Variants in ARHGAP12 observed in about 807,000 individuals in gnomAD.
ARHGAP12 encodes rho GTPase-activating protein 12.
Under a neutral mutation model 108.6 loss-of-function variants are expected in ARHGAP12, and 64 were observed. That is an observed-to-expected ratio of 0.59 (90% CI 0.48 to 0.73). The LOEUF (loss-of-function observed/expected upper bound fraction) is 0.73. Among genes scored for constraint, ARHGAP12 ranks in the 30% least tolerant of loss-of-function variants. ARHGAP12 has a pLI of 0.00. For synonymous variants in ARHGAP12, 312 were observed against 337.2 expected, an observed-to-expected ratio of 0.93 and a Z score of 0.82; for missense variants, 940 against 1,005.9, an observed-to-expected ratio of 0.93 and a Z score of 0.89.
intron 3 of ARHGAP12, among the ~76,000 whole-genome samples, chr10:31,867,868 T>C (rs1031881211): frequency 4.0e-5 from 6 of 151,602 alleles, no homozygotes; most frequent in Admixed American, 1.3e-4. Context: ...ATACTAATAC[T>C]AGCAGTGAAA....
intron 3 of ARHGAP12, among the ~76,000 whole-genome samples, chr10:31,893,999 CAT>C (rs1336423174): frequency 6.6e-6 from 1 of 152,214 alleles, no homozygotes. Context: ...ACAAAAACCA[CAT>C]GATTATCTCA....
intron 3 of ARHGAP12, among the ~76,000 whole-genome samples, chr10:31,895,309 G>T (rs1184784105): frequency 6.6e-6 from 1 of 152,170 alleles, no homozygotes; most frequent in Admixed American, 6.5e-5. Flanking sequence ...AGAGTGAACA[G>T]GCAACCTACA....
rs755587293 is a variant in ARHGAP12, at chr10:31,823,135, G to T, written c.1531-2647C>A. Among the ~76,000 whole-genome samples the T allele has an allele frequency of 2.6e-5, 4 of 152,040 alleles. No homozygotes were observed. The East Asian group carries it at 7.7e-4, about 29-fold the overall frequency. Reference sequence around the variant, plus strand: ...ACTTGTCAGTCTTCCCCACTACTACGTAAGCTTTGAAGCCAGGGACCATGT... The same window carrying T: ...ACTTGTCAGTCTTCCCCACTACTACTTAAGCTTTGAAGCCAGGGACCATGT... On this transcript the variant is annotated intron_variant, in intron 11 of 19. Transcript: ENST00000344936.
intron 4 of ARHGAP12, among the ~76,000 whole-genome samples, chr10:31,860,860 T>C (rs1434955027): frequency 6.6e-6 from 1 of 152,142 alleles, no homozygotes; most frequent in Admixed American, 6.5e-5. Context: ...ACAGGGGGAC[T>C]GCTTGAAGTC....
chr10:31,885,210 T>C (rs550678291), intron 3 of ARHGAP12, among the ~76,000 whole-genome samples: 1 of 152,354 alleles, frequency 6.6e-6, no homozygotes, highest in African/African-American at 2.4e-5. Context: ...AGCAACAAAA[T>C]TTTAATGTAA....
At chr10:31,826,409 T>A in intron 10 of ARHGAP12, 24 bp from the exon 11 acceptor site, 1 of 1,588,742 alleles carries the variant, frequency 6.3e-7, no homozygotes, top group Non-Finnish European at 8.6e-7. Flanking sequence ...GATGACCGAT[T>A]AAAGCTCCAA....
Position 31,814,300 on chromosome 10 carries a change from T to C in ARHGAP12, c.1793A>G (p.His598Arg), listed in dbSNP as rs754616895. 6.2e-7 allele frequency: 1 copy of C among 1,614,150 alleles called. No individual in the cohort carries two copies. Among genetic ancestry groups the C allele is most frequent in the Admixed American group, 1.7e-5 (1 of 60,030 alleles). Residue 598 changes from histidine to arginine, a missense_variant, in exon 14 of 20, where the codon CAT becomes CGT. Coordinates refer to ENST00000344936, the MANE Select transcript of ARHGAP12 (RefSeq NM_018287.7). ...ATCCTTTTGTTCCTTTTCTTTATCATGCTTTTCTATTCCTGGTGAATCCGG... is the reference window on the plus strand; with the variant it reads ...ATCCTTTTGTTCCTTTTCTTTATCACGCTTTTCTATTCCTGGTGAATCCGG... ...EIPDSPGIEK[H>R]DKEKEQKDPK...
chr10:31,902,095 A>G (rs1226907477), intron 3 of ARHGAP12, among the ~76,000 whole-genome samples: 1 of 152,186 alleles, frequency 6.6e-6, no homozygotes, highest in East Asian at 1.9e-4. Flanking sequence ...CTGAAAAAGA[A>G]GAATAAAGTG....
intron 3 of ARHGAP12, among the ~76,000 whole-genome samples, chr10:31,901,307 G>C (rs991723205): frequency 6.6e-6 from 1 of 151,248 alleles, no homozygotes; most frequent in Non-Finnish European, 1.5e-5. Flanking sequence ...AGAGGCGGGA[G>C]GATCACTTGA....
At chr10:31,833,444 G>C (rs974659011) in intron 9 of ARHGAP12, among the ~76,000 whole-genome samples, 2 of 151,948 alleles carry the variant, frequency 1.3e-5, no homozygotes, top group African/African-American at 4.8e-5. Flanking sequence ...ATGAGAGGGA[G>C]AGTCTAGATC....
intron 10 of ARHGAP12, among the ~76,000 whole-genome samples, chr10:31,827,962 T>C (rs955366775): frequency 1.3e-5 from 2 of 152,014 alleles, no homozygotes; most frequent in Admixed American, 1.3e-4. Context: ...TAATTACTAC[T>C]AGTGAAATAA....
intron 3 of ARHGAP12, among the ~76,000 whole-genome samples, chr10:31,901,864 T>A (rs759506192): frequency 3.3e-5 from 5 of 152,186 alleles, no homozygotes; most frequent in Admixed American, 6.5e-5. Context: ...AATCTGTTTC[T>A]TCTTCACATA....
At chr10:31,891,119 C>A (rs909622846) in intron 3 of ARHGAP12, among the ~76,000 whole-genome samples, 1 of 152,052 alleles carries the variant, frequency 6.6e-6, no homozygotes, top group Non-Finnish European at 1.5e-5. Flanking sequence ...TTTTGTGAAC[C>A]CATTATACTA....
chr10:31,903,563 TAACAC>T (rs1472439635), intron 3 of ARHGAP12, among the ~76,000 whole-genome samples: 1 of 152,160 alleles, frequency 6.6e-6, no homozygotes, highest in Non-Finnish European at 1.5e-5. Flanking sequence ...TTCTTGGACT[TAACAC>T]AAAACCATGA....
At chr10:31,815,127 AAAAAAAAAAGAAAGAAAG>A (rs1335793261) in intron 13 of ARHGAP12, among the ~76,000 whole-genome samples, 3 of 151,268 alleles carry the variant, frequency 2.0e-5, no homozygotes, top group African/African-American at 7.3e-5. Flanking sequence ...TCTCAAAAAA[AAAAAAAAAAGAAAGAAAG>A]AAAAAAAAGA....
intron 3 of ARHGAP12, among the ~76,000 whole-genome samples, chr10:31,901,369 T>C (rs929078049): frequency 1.3e-5 from 2 of 151,208 alleles, no homozygotes; most frequent in Admixed American, 6.6e-5. Context: ...CCATCTCTAC[T>C]AAAAATACAA....
intron 3 of ARHGAP12, among the ~76,000 whole-genome samples, chr10:31,907,480 T>A (rs1839180807): frequency 6.6e-6 from 1 of 151,198 alleles, no homozygotes; most frequent in Non-Finnish European, 1.5e-5. Context: ...AAAATTTTTT[T>A]TTAATTAGCT....
At chr10:31,881,210 G>C (rs1009466850) in intron 3 of ARHGAP12, among the ~76,000 whole-genome samples, 6 of 150,856 alleles carry the variant, frequency 4.0e-5, no homozygotes, top group Non-Finnish European at 8.9e-5. Flanking sequence ...AATATTAAAA[G>C]TGACAAAGGA....
chr10:31,908,204 C>A lies in ARHGAP12; in HGVS notation c.652G>T (p.Glu218Ter). ...RIHQDSESGD[E>*]LSSSSTEQIR... ...TGTTCAGTGGAGCTGCTGCTAAGTTCATCACCAGATTCAGAATCTTGATGT... is the reference window on the plus strand; with the variant it reads ...TGTTCAGTGGAGCTGCTGCTAAGTTAATCACCAGATTCAGAATCTTGATGT... Residue 218 changes from glutamate to a stop codon, truncating the protein, a stop_gained, in exon 3 of 20, where the codon GAA becomes TAA. Coordinates refer to ENST00000344936, the MANE Select transcript of ARHGAP12 (RefSeq NM_018287.7). LOFTEE classifies it high-confidence loss of function. 1 of 1,610,180 alleles carries A rather than the reference C, an allele frequency of 6.2e-7. No individual in the cohort carries two copies. The highest frequency in any genetic ancestry group is 8.5e-7 in the Non-Finnish European group (1 of 1,178,378).
Sources: gnomAD v4.1 joint callset for allele counts (sites outside exome capture counted in the v4.1 genomes callset) on GRCh38, gnomAD v4.1.1 for gene constraint, MANE v1.5 for transcripts, NCBI Gene and HGNC (gene_info 2026-07-23, HGNC 2026-07-21) for gene names.